Variants in PLCG2 observed in about 807,000 individuals in gnomAD.
The protein encoded by PLCG2 is phospholipase C gamma 2.
PLCG2 carries 69 observed loss-of-function variants against 175.6 expected under a neutral mutation model. The observed-to-expected ratio is 0.39, with a 90% CI of 0.32 to 0.48. The LOEUF (loss-of-function observed/expected upper bound fraction) is 0.48, where lower values mean the gene tolerates loss of function less well. Ranked by LOEUF, PLCG2 falls within the 20% of genes least tolerant of loss-of-function variation. The probability of loss-of-function intolerance (pLI) is 0.91; values close to 1 mark genes in which losing one functional copy is unlikely to be tolerated. For synonymous variants in PLCG2, 827 were observed against 624.0 expected (o/e 1.33, Z -4.85); for missense variants, 1,798 against 1,650.9 (o/e 1.09, Z -1.54).
At chr16:81,893,919 A>T (rs1597113608) in intron 12 of PLCG2, 125 bp downstream of exon 12, 3 of 549,286 alleles carry the variant, frequency 5.5e-6, no homozygotes, top group Admixed American at 3.5e-5. Context: ...GTGCATATTT[A>T]TGGAGTTAGA....
At chr16:81,751,321 C>T (rs970898332) in intron 1 of PLCG2, among the ~76,000 whole-genome samples, 20 of 152,018 alleles carry the variant, frequency 1.3e-4, no homozygotes, top group Non-Finnish European at 2.2e-4. Context: ...CTGTCATTTG[C>T]GACAACATGG....
At chr16:81,801,856 C>G (rs996145377) in intron 2 of PLCG2, among the ~76,000 whole-genome samples, 3 of 151,658 alleles carry the variant, frequency 2.0e-5, no homozygotes, top group South Asian at 4.2e-4. Context: ...AATTTTTGTA[C>G]TTTTAGTAGA....
chr16:81,847,127 A>T (rs12933559), intron 2 of PLCG2, among the ~76,000 whole-genome samples: 1 of 151,932 alleles, frequency 6.6e-6, no homozygotes, highest in Admixed American at 6.6e-5. Flanking sequence ...CACTCCTTGG[A>T]TTTGATTAAT....
chr16:81,884,503 G>C (rs12924928), intron 9 of PLCG2, among the ~76,000 whole-genome samples: 54,561 of 151,986 alleles, frequency 0.36, 11,162 homozygotes, highest in East Asian at 0.66. Context: ...CCACCGACAG[G>C]TGGTTTACCC....
intron 2 of PLCG2, among the ~76,000 whole-genome samples, chr16:81,806,717 G>A (rs1428417250): frequency 2.0e-5 from 3 of 152,080 alleles, no homozygotes; most frequent in African/African-American, 4.8e-5. Flanking sequence ...GTGGGGCTGG[G>A]GACATGGAAG....
At position 81,958,172 on chromosome 16, in the gene PLCG2, T is replaced by C; in HGVS notation, c.*174T>C. The C allele has an allele frequency of 1.7e-6, 1 of 598,198 alleles. No homozygotes were observed. Among genetic ancestry groups the C allele is most frequent in the Non-Finnish European group, 3.1e-6 (1 of 327,290 alleles). The allele number at this position is 598,198 out of a possible 1,614,324, so 37.1% of individuals were successfully genotyped here. Reference sequence around the variant, plus strand: ...TGGCATGAGTTGGGGTAATTTCCTATTATTTTCATCTTGGACAACTTTCTT... The same window carrying C: ...TGGCATGAGTTGGGGTAATTTCCTACTATTTTCATCTTGGACAACTTTCTT... On this transcript the variant is annotated 3_prime_UTR_variant, in exon 33 of 33. Coordinates refer to ENST00000564138, the MANE Select transcript of PLCG2 (RefSeq NM_002661.5).
intron 2 of PLCG2, among the ~76,000 whole-genome samples, chr16:81,796,813 T>C (rs1911488434): frequency 6.6e-6 from 1 of 152,128 alleles, no homozygotes; most frequent in African/African-American, 2.4e-5. Context: ...CGCCAACACT[T>C]TGATTTTGGA....
chr16:81,915,142 AC>A (rs1367733507), intron 19 of PLCG2, among the ~76,000 whole-genome samples: 1 of 152,172 alleles, frequency 6.6e-6, no homozygotes, highest in Admixed American at 6.5e-5. Context: ...GATGAGTGCT[AC>A]AAAGGGATTG....
intron 2 of PLCG2, among the ~76,000 whole-genome samples, chr16:81,799,490 C>G (rs1911624336): frequency 6.6e-6 from 1 of 152,126 alleles, no homozygotes; most frequent in Admixed American, 6.5e-5. Flanking sequence ...AGTGGTGTGA[C>G]CATAGGTCAC....
At chr16:81,818,036 A>G (rs761287350) in intron 2 of PLCG2, among the ~76,000 whole-genome samples, 4 of 152,208 alleles carry the variant, frequency 2.6e-5, no homozygotes, top group Non-Finnish European at 5.9e-5. Context: ...CCTTCCTTTC[A>G]TGTGGCCTGG....
chr16:81,792,479 TCAAAAA>T (rs1567466612), intron 2 of PLCG2, among the ~76,000 whole-genome samples: 5 of 8,438 alleles, frequency 5.9e-4, no homozygotes, highest in Non-Finnish European at 8.4e-4. Flanking sequence ...AGGCTCTGTC[TCAAAAA>T]AAAAAAAAAA....
chr16:81,946,280 C>G lies in PLCG2; in HGVS notation c.3570+17C>G. On this transcript the variant is annotated intron_variant, in intron 31 of 32. Coordinates refer to ENST00000564138, the MANE Select transcript of PLCG2 (RefSeq NM_002661.5). The stretch of plus-strand genomic sequence containing the variant: ...CCAGTCCTGGTGAGTGGAGAAACAC[C>G]AGTTAAGGGTTCCCTGAGCTATGCC... 1 of 1,590,144 alleles carries G rather than the reference C, an allele frequency of 6.3e-7. No homozygotes were observed. Among genetic ancestry groups the G allele is most frequent in the East Asian group, 2.2e-5 (1 of 44,732 alleles).
intron 1 of PLCG2, among the ~76,000 whole-genome samples, chr16:81,753,474 A>G (rs1348499493): frequency 2.0e-5 from 3 of 148,108 alleles, no homozygotes; most frequent in South Asian, 2.1e-4. Flanking sequence ...GCTGGAGTGC[A>G]GTAGTTGTAT....
intron 2 of PLCG2, among the ~76,000 whole-genome samples, chr16:81,823,648 C>T (rs1446514774): frequency 6.6e-6 from 1 of 152,050 alleles, no homozygotes; most frequent in Non-Finnish European, 1.5e-5. Context: ...GCCTCAGTCT[C>T]TCAAGTAGCT....
intron 7 of PLCG2, among the ~76,000 whole-genome samples, chr16:81,878,412 G>C (rs1431230098): frequency 6.6e-6 from 1 of 152,062 alleles, no homozygotes; most frequent in Admixed American, 6.5e-5. Context: ...ATGGGTACTG[G>C]GTATTAGGAC....
intron 2 of PLCG2, among the ~76,000 whole-genome samples, chr16:81,761,377 A>G (rs1910038191): frequency 1.3e-5 from 2 of 152,280 alleles, no homozygotes; most frequent in South Asian, 4.1e-4. Flanking sequence ...AAGTAATAAT[A>G]ATAGTAATGA....
chr16:81,782,227 TTATGAGATACAAGAAAAA>T (rs1910768828), intron 1 of PLCG2, among the ~76,000 whole-genome samples: 3 of 63,588 alleles, frequency 4.7e-5, no homozygotes, highest in Admixed American at 1.9e-4. Flanking sequence ...ATGAATGAGC[TTATGAGATACAAGAAAAA>T]CCTTTAGAAG....
At position 81,749,274 on chromosome 16, in the gene PLCG2, A is replaced by T. The variant is rs558181148; in HGVS notation, c.-144-6596A>T. ...TATAATCCCTGAAGATGTAGATTTT[A>T]AAAAATCACTTGATTGATTTTTGTC... On this transcript the variant is annotated intron_variant, in intron 1 of 5. Transcript: ENST00000565054. Among the ~76,000 whole-genome samples, 22 of 151,774 alleles carry T rather than the reference A, an allele frequency of 1.4e-4. No individual in the cohort carries two copies. The South Asian group carries it at 2.7e-3, about 19-fold the overall frequency.
intron 2 of PLCG2, among the ~76,000 whole-genome samples, chr16:81,792,846 G>T (rs1409777498): frequency 6.6e-6 from 1 of 152,126 alleles, no homozygotes; most frequent in African/African-American, 2.4e-5. Flanking sequence ...ATGAGATTTG[G>T]GTGGGGAGAG....
Sources: allele counts gnomAD v4.1 joint callset (sites outside exome capture counted in the v4.1 genomes callset), GRCh38; gene constraint gnomAD v4.1.1; transcripts MANE v1.5; gene names NCBI Gene and HGNC (gene_info 2026-07-23, HGNC 2026-07-21).